SYNE2: variants seen among roughly 807,000 people sequenced by gnomAD.
SYNE2 encodes spectrin repeat containing nuclear envelope protein 2.
A neutral mutation model predicts 856.3 loss-of-function variants in SYNE2; 431 were observed. The observed-to-expected ratio is 0.50, with a 90% CI of 0.47 to 0.55. SYNE2 has a LOEUF of 0.55. Ranked by LOEUF, SYNE2 falls within the 20% of genes least tolerant of loss-of-function variation. The pLI is 0.00. For missense variants in SYNE2, 8,129 were observed against 8,023.2 expected (o/e 1.01, Z -0.50); for synonymous variants, 2,923 against 2,872.3 (o/e 1.02, Z -0.56).
chr14:63,783,602 T>C (rs1454696711), intron 1 of SYNE2, among the ~76,000 whole-genome samples: 1 of 152,184 alleles, frequency 6.6e-6, no homozygotes, highest in Non-Finnish European at 1.5e-5. Flanking sequence ...TTTTGTGGTA[T>C]TCCTGCCAAA....
intron 99 of SYNE2, among the ~76,000 whole-genome samples, chr14:64,191,392 C>T (rs1281975314): frequency 1.3e-5 from 2 of 152,026 alleles, no homozygotes; most frequent in Admixed American, 1.3e-4. Context: ...AGCTCAGATC[C>T]CATCTTCCTG....
Position 63,941,888 on chromosome 14 carries a change from CG to C in SYNE2, c.244del (p.Asp82IlefsTer13). On this transcript the variant is annotated frameshift_variant, in exon 5 of 116. Coordinates refer to ENST00000555002, the MANE Select transcript of SYNE2 (RefSeq NM_182914.3). LOFTEE classifies it high-confidence loss of function. ...LEVLSGQQLP[R>X]DKGSNTFQCR... ...TATATTTGCTTGAATTTCACAGCCTCGGGATAAAGGATCTAATACCTTCCAG... is the reference window on the plus strand; with the variant it reads ...TATATTTGCTTGAATTTCACAGCCTCGGATAAAGGATCTAATACCTTCCAG... The C allele has an allele frequency of 1.2e-6, 2 of 1,613,266 alleles. No individual in the cohort carries two copies. The highest frequency in any genetic ancestry group is 1.7e-6 in the Non-Finnish European group (2 of 1,179,822).
intron 1 of SYNE2, among the ~76,000 whole-genome samples, chr14:63,782,044 A>G (rs1052275431): frequency 5.3e-5 from 8 of 151,888 alleles, no homozygotes; most frequent in African/African-American, 1.9e-4. Flanking sequence ...CTGAGGCAGG[A>G]GAATGGCTTG....
chr14:64,084,897 G>C, intron 57 of SYNE2: 1 of 699,872 alleles, frequency 1.4e-6, no homozygotes, highest in Non-Finnish European at 2.6e-6. Context: ...TGAGGGAGGA[G>C]GTGGGATCTG....
chr14:64,182,694 A>C (rs977027933), intron 96 of SYNE2, among the ~76,000 whole-genome samples: 1 of 152,218 alleles, frequency 6.6e-6, no homozygotes, highest in Admixed American at 6.5e-5. Flanking sequence ...TTCAGAGAGC[A>C]TGGGGTTGGG....
At chr14:63,767,129 T>A (rs888494208) in intron 1 of SYNE2, among the ~76,000 whole-genome samples, 2 of 149,614 alleles carry the variant, frequency 1.3e-5, no homozygotes, top group African/African-American at 5.0e-5. Context: ...TTTTTTGAGA[T>A]GGAGTCTGGC....
At chr14:63,838,541 G>T (rs1390683497) in intron 1 of SYNE2, among the ~76,000 whole-genome samples, 1 of 151,352 alleles carries the variant, frequency 6.6e-6, no homozygotes, top group Non-Finnish European at 1.5e-5. Flanking sequence ...TTTTAACAGG[G>T]TCTTGCTGTG....
rs751017964 is a variant in SYNE2, at chr14:64,078,549, T to C, written c.11106T>C (p.Val3702=). ...AAATTAACAATGGGCTTCATAATGT[T>C]GAAAAGATGTTGCAGCAGAAAAGCA... ...IEEINNGLHN[V]EKMLQQKSKN... Residue 3702 remains valine, a synonymous_variant, in exon 55 of 116, where the codon GTT becomes GTC. Transcript: ENST00000555002. 1.9e-6 allele frequency: 3 copies of C among 1,614,106 alleles called. No homozygotes were observed. Among genetic ancestry groups the C allele is most frequent in the Non-Finnish European group, 8.5e-7 (1 of 1,179,994 alleles).
intron 1 of SYNE2, among the ~76,000 whole-genome samples, chr14:63,854,672 A>C (rs924994405): frequency 2.6e-5 from 4 of 152,274 alleles, no homozygotes; most frequent in African/African-American, 9.6e-5. Flanking sequence ...TTAAAAAATC[A>C]AACTCAAACC....
At chr14:64,054,803 T>C (rs2097256316) in intron 48 of SYNE2, among the ~76,000 whole-genome samples, 1 of 152,212 alleles carries the variant, frequency 6.6e-6, no homozygotes. Flanking sequence ...TTCAGATTGA[T>C]CACATTAAAT....
intron 46 of SYNE2, 163 bp downstream of exon 46, chr14:64,048,318 G>A: frequency 1.8e-6 from 1 of 564,268 alleles, no homozygotes; most frequent in Non-Finnish European, 3.0e-6. Context: ...TAAGTAAGTT[G>A]TATAAATCTT....
At chr14:63,999,362 A>G (rs1238176055) in intron 27 of SYNE2, among the ~76,000 whole-genome samples, 2 of 152,350 alleles carry the variant, frequency 1.3e-5, no homozygotes, top group East Asian at 3.9e-4. Context: ...ATCAAAAACA[A>G]TGTGTTTGAA....
At chr14:63,963,485 C>A (rs1206407578) in intron 9 of SYNE2, among the ~76,000 whole-genome samples, 1 of 152,088 alleles carries the variant, frequency 6.6e-6, no homozygotes, top group Non-Finnish European at 1.5e-5. Context: ...ATAGCTAAAA[C>A]CTTTGGTAGT....
intron 83 of SYNE2, among the ~76,000 whole-genome samples, chr14:64,145,051 C>T (rs559121103): frequency 1.9e-4 from 29 of 151,570 alleles, no homozygotes; most frequent in African/African-American, 7.0e-4. Flanking sequence ...CTCAGCCTCC[C>T]AAATAGCTGA....
chr14:64,140,140 G>A (rs1216548324), intron 80 of SYNE2, 67 bp downstream of exon 80: 5 of 1,494,824 alleles, frequency 3.3e-6, no homozygotes, highest in Non-Finnish European at 4.6e-6. Flanking sequence ...AAAAGCATCA[G>A]GGTTGATGTG....
chr14:64,156,333 G>A (rs757473899), intron 85 of SYNE2, among the ~76,000 whole-genome samples: 3 of 152,208 alleles, frequency 2.0e-5, no homozygotes, highest in Non-Finnish European at 4.4e-5. Flanking sequence ...TGGGCTCTGG[G>A]ATGATGCGGT....
At chr14:64,224,967 A>AACTT (rs760339292) in intron 114 of SYNE2, 32 bp from the exon 115 acceptor site, 2 of 1,611,756 alleles carry the variant, frequency 1.2e-6, no homozygotes, top group South Asian at 1.1e-5. Context: ...AACTGTCTTC[A>AACTT]ACTTACTAAC....
intron 8 of SYNE2, among the ~76,000 whole-genome samples, chr14:63,955,337 C>T (rs143873465): frequency 1.1e-3 from 172 of 152,196 alleles, no homozygotes; most frequent in African/African-American, 3.6e-3. Context: ...GCTGCCTTCC[C>T]GTCTGTCCCT....
chr14:64,156,617 C>G (rs914493100), intron 85 of SYNE2, among the ~76,000 whole-genome samples: 1 of 152,040 alleles, frequency 6.6e-6, no homozygotes, highest in African/African-American at 2.4e-5. Flanking sequence ...TGCCACCACT[C>G]CCGGCTAATT....
Sources: allele counts gnomAD v4.1 joint callset (sites outside exome capture counted in the v4.1 genomes callset), GRCh38; gene constraint gnomAD v4.1.1; transcripts MANE v1.5; gene names NCBI Gene and HGNC (gene_info 2026-07-23, HGNC 2026-07-21).